Variants in PCSK2 observed in about 807,000 individuals in gnomAD.
The protein encoded by PCSK2 is neuroendocrine convertase 2.
A neutral mutation model predicts 69.7 loss-of-function variants in PCSK2; 14 were observed. The observed-to-expected ratio is 0.20, with a 90% confidence interval of 0.13 to 0.31. The LOEUF is 0.31. Among genes scored for constraint, PCSK2 ranks in the 10% least tolerant of loss-of-function variants. PCSK2 has a pLI of 1.00. For missense variants in PCSK2, 544 were observed against 842.5 expected (o/e 0.65, Z 4.39); for synonymous variants, 307 against 320.7 (o/e 0.96, Z 0.46).
At chr20:17,476,768 TATTC>T in intron 11 of PCSK2, among the ~76,000 whole-genome samples, 1 of 152,382 alleles carries the variant, frequency 6.6e-6, no homozygotes, top group South Asian at 2.1e-4. Flanking sequence ...AATCTTTAGT[TATTC>T]ATCACCTTAC....
At chr20:17,304,268 G>A (rs1989255741) in intron 2 of PCSK2, among the ~76,000 whole-genome samples, 3 of 152,006 alleles carry the variant, frequency 2.0e-5, no homozygotes, top group Admixed American at 6.6e-5. Flanking sequence ...CATTATGCAG[G>A]ATCCTAATGT....
chr20:17,294,600 C>G (rs1251017231), intron 2 of PCSK2, among the ~76,000 whole-genome samples: 1 of 152,142 alleles, frequency 6.6e-6, no homozygotes. Context: ...ATCACATGTT[C>G]TCTTAGCATT....
At chr20:17,253,616 C>A (rs6034781) in intron 1 of PCSK2, among the ~76,000 whole-genome samples, 76,753 of 151,902 alleles carry the variant, frequency 0.51, 19,542 homozygotes, top group East Asian at 0.66. Context: ...CAATTGATAG[C>A]AATGTGGGTT....
At chr20:17,261,634 CTCTAT>C (rs1241326842) in intron 2 of PCSK2, among the ~76,000 whole-genome samples, 1 of 152,196 alleles carries the variant, frequency 6.6e-6, no homozygotes, top group Non-Finnish European at 1.5e-5. Context: ...GGGAGAAGCT[CTCTAT>C]TCTATGTGAT....
intron 5 of PCSK2, among the ~76,000 whole-genome samples, chr20:17,372,185 C>T (rs2030786396): frequency 6.6e-6 from 1 of 152,162 alleles, no homozygotes; most frequent in East Asian, 1.9e-4. Flanking sequence ...TGAGACCATA[C>T]TGGCTAACAC....
intron 2 of PCSK2, among the ~76,000 whole-genome samples, chr20:17,316,242 C>T (rs558256382): frequency 6.6e-6 from 1 of 152,338 alleles, no homozygotes; most frequent in Admixed American, 6.5e-5. Context: ...TCGCACGTTT[C>T]TTTTCTCGTT....
At chr20:17,326,407 A>C (rs1171046848) in intron 2 of PCSK2, among the ~76,000 whole-genome samples, 1 of 152,230 alleles carries the variant, frequency 6.6e-6, no homozygotes, top group Non-Finnish European at 1.5e-5. Context: ...GTAATATGGA[A>C]TCCTAGATGA....
At chr20:17,379,362 C>T (rs568451311) in intron 5 of PCSK2, among the ~76,000 whole-genome samples, 11 of 152,322 alleles carry the variant, frequency 7.2e-5, no homozygotes, top group Admixed American at 2.0e-4. Flanking sequence ...GGAGACCAAA[C>T]GTCTGATCCA....
rs111832383 is a variant in PCSK2 at position 17,426,648 on chromosome 20, C to T, written c.621-2787C>T. 9.4e-3 allele frequency among the ~76,000 whole-genome samples: 1,430 copies of T among 152,304 alleles called. 9 individuals carry two copies. Among genetic ancestry groups the T allele is most frequent in the South Asian group, 0.015 (74 of 4,824 alleles). The stretch of plus-strand genomic sequence containing the variant: ...CCAGCAGGCTGGAGACCCTGAGAGC[C>T]AATGGTCCAGCTTGAGTCTGAAGGT... On this transcript the variant is annotated intron_variant, in intron 6 of 11. Transcript: ENST00000262545.
chr20:17,331,793 G>A (rs936715856), intron 2 of PCSK2, among the ~76,000 whole-genome samples: 24 of 152,062 alleles, frequency 1.6e-4, no homozygotes, highest in African/African-American at 5.5e-4. Flanking sequence ...TCTGAGGTTG[G>A]CAGAAGTGTG....
intron 8 of PCSK2, among the ~76,000 whole-genome samples, chr20:17,437,283 G>C (rs945550341): frequency 6.6e-6 from 1 of 152,216 alleles, no homozygotes; most frequent in Non-Finnish European, 1.5e-5. Context: ...CACACAGGGC[G>C]GTAGATCCAG....
chr20:17,384,362 T>G (rs2031172859), intron 5 of PCSK2, among the ~76,000 whole-genome samples: 1 of 135,722 alleles, frequency 7.4e-6, no homozygotes, highest in Non-Finnish European at 1.6e-5. Flanking sequence ...CCGAGGTGGG[T>G]GGATCACCTG....
At chr20:17,423,969 G>A (rs1366830508) in intron 6 of PCSK2, among the ~76,000 whole-genome samples, 2 of 152,144 alleles carry the variant, frequency 1.3e-5, no homozygotes, top group African/African-American at 4.8e-5. Context: ...ATGTTGAAAA[G>A]GATTGAGCAA....
At chr20:17,413,099 A>C (rs1306479921) in intron 6 of PCSK2, among the ~76,000 whole-genome samples, 2 of 152,320 alleles carry the variant, frequency 1.3e-5, no homozygotes, top group East Asian at 3.9e-4. Context: ...AAAGACCATC[A>C]ATGCTAGGAA....
intron 2 of PCSK2, among the ~76,000 whole-genome samples, chr20:17,347,957 A>AGG: frequency 2.3e-5 from 1 of 42,954 alleles, no homozygotes; most frequent in Non-Finnish European, 5.0e-5. Flanking sequence ...AGAAAGAAAG[A>AGG]AAGAGAAAGA....
At chr20:17,423,923 T>C (rs939629953) in intron 6 of PCSK2, among the ~76,000 whole-genome samples, 4 of 152,312 alleles carry the variant, frequency 2.6e-5, no homozygotes, top group Non-Finnish European at 4.4e-5. Context: ...TCACACCAAC[T>C]GGACTAGCAA....
At chr20:17,272,380 T>C (rs544490209) in intron 2 of PCSK2, among the ~76,000 whole-genome samples, 1 of 152,278 alleles carries the variant, frequency 6.6e-6, no homozygotes, top group African/African-American at 2.4e-5. Flanking sequence ...TGATTAATAG[T>C]GAACCTACAA....
intron 1 of PCSK2, among the ~76,000 whole-genome samples, chr20:17,246,570 A>G (rs1986779512): frequency 2.0e-5 from 3 of 152,236 alleles, no homozygotes; most frequent in African/African-American, 7.2e-5. Flanking sequence ...TTCCTGGTTT[A>G]ACAGTGGAAT....
chr20:17,281,512 C>G (rs758203369), intron 2 of PCSK2, among the ~76,000 whole-genome samples: 8 of 152,226 alleles, frequency 5.3e-5, no homozygotes, highest in Non-Finnish European at 7.3e-5. Flanking sequence ...ACCTTTCACT[C>G]AGCTATTGTA....
Sources: gnomAD v4.1 joint callset for allele counts (sites outside exome capture counted in the v4.1 genomes callset) on GRCh38, gnomAD v4.1.1 for gene constraint, MANE v1.5 for transcripts, NCBI Gene and HGNC (gene_info 2026-07-23, HGNC 2026-07-21) for gene names.